PTK7: variants seen among roughly 807,000 people sequenced by gnomAD.
PTK7 encodes the protein inactive tyrosine-protein kinase 7.
PTK7 carries 39 observed loss-of-function variants against 116.6 expected under a neutral mutation model. That is an observed-to-expected ratio of 0.33 (90% CI 0.26 to 0.44). PTK7 has a LOEUF of 0.44. Among genes scored for constraint, PTK7 ranks in the 20% least tolerant of loss-of-function variants. PTK7 has a pLI of 1.00. For missense variants in PTK7, 1,169 were observed against 1,425.6 expected, an observed-to-expected ratio of 0.82 and a Z score of 2.90; for synonymous variants, 546 against 563.6, an observed-to-expected ratio of 0.97 and a Z score of 0.44.
At chr6:43,109,357 T>C (rs1398242945) in intron 1 of PTK7, among the ~76,000 whole-genome samples, 1 of 152,070 alleles carries the variant, frequency 6.6e-6, no homozygotes, top group Non-Finnish European at 1.5e-5. Context: ...GAATCTTTTT[T>C]TTCCCCTGGA....
At position 43,129,010 on chromosome 6, in the gene PTK7, C is replaced by T. The variant is rs143627494; in HGVS notation, c.113C>T (p.Pro38Leu). 1.1e-5 allele frequency: 18 copies of T among 1,612,176 alleles called. No homozygotes were observed. The highest frequency in any genetic ancestry group is 8.0e-5 in the African/African-American group (6 of 74,904). The change falls in exon 2 of 20, where the codon CCG becomes CTG. Residue 38 changes from proline (P) to leucine (L), a missense_variant. Transcript: ENST00000230419. The surrounding 1 kb of genome is among the most constrained non-coding windows in gnomAD (Gnocchi z 4.5). ...ACAGCCATTGTCTTCATCAAGCAGC[C>T]GTCCTCCCAGGATGCACTGCAGGGG... ...TQTAIVFIKQ[P>L]SSQDALQGRR...
chr6:43,120,631 G>A (rs1768903168), intron 1 of PTK7, among the ~76,000 whole-genome samples: 1 of 152,220 alleles, frequency 6.6e-6, no homozygotes, highest in Non-Finnish European at 1.5e-5. Flanking sequence ...TGCGGATGGT[G>A]AGTGGGGGAG....
intron 1 of PTK7, among the ~76,000 whole-genome samples, chr6:43,090,688 A>T (rs1295378437): frequency 6.6e-6 from 1 of 152,082 alleles, no homozygotes; most frequent in East Asian, 1.9e-4. Flanking sequence ...GATGGTGTTT[A>T]TCCTCAGGCT....
At chr6:43,147,734 A>C (rs1770806095) in intron 17 of PTK7, among the ~76,000 whole-genome samples, 1 of 152,148 alleles carries the variant, frequency 6.6e-6, no homozygotes, top group Non-Finnish European at 1.5e-5. Flanking sequence ...CTCTTATTAC[A>C]TGTGAATTTA....
chr6:43,142,348 G>C, intron 13 of PTK7, 49 bp downstream of exon 13: 1 of 1,612,918 alleles, frequency 6.2e-7, no homozygotes. Flanking sequence ...GGGCCCAGAC[G>C]TTTGTCACCT....
chr6:43,157,354 ATATATATATATTTTTTTTTTTCTTTTTT>A (rs1771530090), intron 17 of PTK7, among the ~76,000 whole-genome samples: 1 of 3,724 alleles, frequency 2.7e-4, no homozygotes, highest in African/African-American at 9.4e-4. Context: ...ATATATATAT[ATATATATATATTTTTTTTTTTCTTTTTT>A]TTTTTTTTTT....
At chr6:43,118,763 G>GTGTGTGTGTA (rs1320745029) in intron 1 of PTK7, among the ~76,000 whole-genome samples, 2 of 141,838 alleles carry the variant, frequency 1.4e-5, no homozygotes, top group African/African-American at 5.4e-5. Flanking sequence ...GTGTGTGTGT[G>GTGTGTGTGTA]TGTGTGTGTG....
At chr6:43,108,462 C>T (rs1258637194) in intron 1 of PTK7, among the ~76,000 whole-genome samples, 6 of 149,846 alleles carry the variant, frequency 4.0e-5, no homozygotes, top group Non-Finnish European at 7.4e-5. Flanking sequence ...TGCAGTGGCA[C>T]GAGCACAGCT....
intron 7 of PTK7, among the ~76,000 whole-genome samples, chr6:43,138,072 G>T (rs533762724): frequency 6.6e-6 from 1 of 152,214 alleles, no homozygotes; most frequent in Non-Finnish European, 1.5e-5. Context: ...GCCTCTTAAA[G>T]TGCTGGGATT....
rs930541055 is a variant in PTK7, at chr6:43,141,276, G to T, written c.1619-392G>T. On this transcript the variant is annotated intron_variant, in intron 10 of 19. Transcript: ENST00000230419. The surrounding 1 kb of genome is among the most constrained non-coding windows in gnomAD (Gnocchi z 4.9). Reference sequence around the variant, plus strand: ...GTTGTAGATTCTGAGGAGGAAGTAGGCTCCCTCTGCTCAGGTCTGGGGGAA... The same window carrying T: ...GTTGTAGATTCTGAGGAGGAAGTAGTCTCCCTCTGCTCAGGTCTGGGGGAA... Among the ~76,000 whole-genome samples the T allele has an allele frequency of 6.6e-6, 1 of 152,154 alleles. No individual in the cohort carries two copies. Among genetic ancestry groups the T allele is most frequent in the African/African-American group, 2.4e-5 (1 of 41,426 alleles).
intron 1 of PTK7, among the ~76,000 whole-genome samples, chr6:43,126,329 AAAAG>A (rs1361542614): frequency 6.6e-6 from 1 of 152,130 alleles, no homozygotes; most frequent in Non-Finnish European, 1.5e-5. Context: ...GTCTCAAAAA[AAAAG>A]AAAGGTCCTA....
At chr6:43,148,508 C>T (rs986363218) in intron 17 of PTK7, among the ~76,000 whole-genome samples, 3 of 152,108 alleles carry the variant, frequency 2.0e-5, no homozygotes, top group Admixed American at 6.6e-5. Flanking sequence ...AGTTGAATGG[C>T]AGAAAGGGGA....
chr6:43,146,586 G>A (rs1453238528), intron 16 of PTK7, 32 bp from the exon 17 acceptor site: 1 of 1,597,492 alleles, frequency 6.3e-7, no homozygotes, highest in Non-Finnish European at 8.6e-7. Flanking sequence ...GCTGTGCACT[G>A]ACCTGAGCGA....
intron 19 of PTK7, 122 bp downstream of exon 19, chr6:43,160,088 C>T: frequency 9.7e-7 from 1 of 1,028,340 alleles, no homozygotes; most frequent in Non-Finnish European, 1.4e-6. Flanking sequence ...CACACAGATA[C>T]AACCACTCTG....
intron 17 of PTK7, among the ~76,000 whole-genome samples, chr6:43,153,393 A>G (rs971281480): frequency 3.3e-5 from 5 of 151,078 alleles, no homozygotes; most frequent in East Asian, 2.0e-4. Context: ...GATTACAGGC[A>G]TGAGCCACCA....
intron 1 of PTK7, among the ~76,000 whole-genome samples, chr6:43,101,134 G>C (rs1767550823): frequency 6.6e-6 from 1 of 151,768 alleles, no homozygotes; most frequent in South Asian, 2.1e-4. Context: ...CCGGAAGCTT[G>C]AACCCGGGAG....
intron 13 of PTK7, chr6:43,142,519 GTT>G: frequency 1.4e-6 from 1 of 715,088 alleles, no homozygotes; most frequent in Non-Finnish European, 2.4e-6. Context: ...GTGTGTGTGT[GTT>G]GTGGGGGAGT....
At chr6:43,111,010 A>G (rs1001330607) in intron 1 of PTK7, among the ~76,000 whole-genome samples, 1 of 152,226 alleles carries the variant, frequency 6.6e-6, no homozygotes, top group Non-Finnish European at 1.5e-5. Context: ...CCTTGAGGCC[A>G]GAGGCCTGCT....
intron 1 of PTK7, among the ~76,000 whole-genome samples, chr6:43,118,861 C>T (rs543234716): frequency 5.3e-5 from 8 of 150,178 alleles, no homozygotes; most frequent in East Asian, 3.9e-4. Flanking sequence ...CTCCACCTCC[C>T]GGGTTCAAGC....
Sources: allele counts gnomAD v4.1 joint callset (sites outside exome capture counted in the v4.1 genomes callset), GRCh38; gene constraint gnomAD v4.1.1; non-coding constraint Gnocchi (gnomAD v3.1); transcripts MANE v1.5; gene names NCBI Gene and HGNC (gene_info 2026-07-23, HGNC 2026-07-21).